Variants in PCDH15 observed in about 807,000 individuals in gnomAD.
The protein encoded by PCDH15 is protocadherin-15.
PCDH15 carries 129 observed loss-of-function variants against 178.5 expected under a neutral mutation model. The ratio of observed to expected loss-of-function variants is 0.72; its 90% CI spans 0.63 to 0.84. The LOEUF (loss-of-function observed/expected upper bound fraction) is 0.84. PCDH15 is among the 40% of genes least tolerant of loss of function. The pLI, the probability that PCDH15 is intolerant of heterozygous loss-of-function variation, is 0.00. For synonymous variants in PCDH15, 800 were observed against 732.0 expected (o/e 1.09, Z -1.50); for missense variants, 2,230 against 2,099.9 (o/e 1.06, Z -1.21).
At chr10:54,975,366 G>A (rs1427855909) in intron 2 of PCDH15, among the ~76,000 whole-genome samples, 2 of 152,130 alleles carry the variant, frequency 1.3e-5, no homozygotes, top group African/African-American at 4.8e-5. Context: ...AAAAGAGTGT[G>A]TATGCATAGT....
rs532300141 is a variant in PCDH15, at chr10:53,809,596, G to A, written c.4671+960C>T. On this transcript the variant is annotated intron_variant, in intron 37 of 37. Transcript: ENST00000644397. ...AAGTGTCAGCTTGGAGATAGCTATG[G>A]TATGACCTTGTCCCACGAAAGCTAC... is the stretch of plus-strand genomic sequence containing the variant. The A allele has an allele frequency of 5.2e-6, 8 of 1,546,684 alleles. No individual in the cohort carries two copies. In the South Asian group the frequency reaches 6.0e-5, roughly 12 times the overall value.
intron 8 of PCDH15, among the ~76,000 whole-genome samples, chr10:54,254,689 A>G (rs2056764281): frequency 6.6e-6 from 1 of 152,126 alleles, no homozygotes; most frequent in Non-Finnish European, 1.5e-5. Context: ...TAATGTTTGA[A>G]ATTATCATGA....
chr10:54,516,159 G>A (rs947387113), intron 3 of PCDH15, among the ~76,000 whole-genome samples: 5 of 152,138 alleles, frequency 3.3e-5, no homozygotes, highest in African/African-American at 7.2e-5. Flanking sequence ...ATGCTTTGAC[G>A]AGCTGAGAGA....
At chr10:54,015,811 G>A (rs1165200583) in intron 20 of PCDH15, among the ~76,000 whole-genome samples, 6 of 152,064 alleles carry the variant, frequency 3.9e-5, no homozygotes, top group South Asian at 2.1e-4. Flanking sequence ...AGATAACCTC[G>A]GAAATATCAT....
chr10:54,458,805 A>G (rs2076994164), intron 3 of PCDH15, among the ~76,000 whole-genome samples: 1 of 152,158 alleles, frequency 6.6e-6, no homozygotes, highest in Admixed American at 6.6e-5. Flanking sequence ...TTTGGATCCC[A>G]GGGTCACGTA....
chr10:55,134,726 G>T (rs1395768140), intron 2 of PCDH15, among the ~76,000 whole-genome samples: 1 of 152,242 alleles, frequency 6.6e-6, no homozygotes, highest in East Asian at 1.9e-4. Context: ...AAAACTGTTG[G>T]GTGGGACTTA....
At chr10:53,940,461 T>C (rs2085955574) in intron 24 of PCDH15, among the ~76,000 whole-genome samples, 1 of 152,126 alleles carries the variant, frequency 6.6e-6, no homozygotes, top group Admixed American at 6.6e-5. Context: ...CAGGATTAGT[T>C]AAGGTATGAC....
chr10:53,863,661 T>G (rs1173144145), intron 27 of PCDH15, among the ~76,000 whole-genome samples: 4 of 152,156 alleles, frequency 2.6e-5, no homozygotes, highest in Admixed American at 1.3e-4. Context: ...AGGGATGTTT[T>G]ATAATTTTTG....
chr10:54,321,167 AT>A (rs1225807547), intron 7 of PCDH15, among the ~76,000 whole-genome samples: 5 of 145,066 alleles, frequency 3.4e-5, no homozygotes, highest in Middle Eastern at 3.9e-3. Flanking sequence ...ATATTTGAAA[AT>A]TTTTTTATTT....
chr10:53,918,509 G>A (rs1241229445), intron 25 of PCDH15, among the ~76,000 whole-genome samples: 4 of 152,226 alleles, frequency 2.6e-5, no homozygotes, highest in South Asian at 2.1e-4. Flanking sequence ...TGAATAAAAC[G>A]ATACGTCTAT....
At chr10:55,144,685 C>G (rs1838453805) in intron 2 of PCDH15, among the ~76,000 whole-genome samples, 2 of 152,030 alleles carry the variant, frequency 1.3e-5, no homozygotes, top group African/African-American at 4.8e-5. Context: ...TTTTTGCAGA[C>G]TTTACTATAA....
chr10:54,345,149 G>A (rs1943034137), intron 6 of PCDH15, among the ~76,000 whole-genome samples: 1 of 151,746 alleles, frequency 6.6e-6, no homozygotes, highest in African/African-American at 2.4e-5. Context: ...TCTTTGCTAT[G>A]CAACAGAGAT....
intron 3 of PCDH15, among the ~76,000 whole-genome samples, chr10:54,431,928 AT>A (rs1436819599): frequency 1.3e-5 from 2 of 152,016 alleles, no homozygotes; most frequent in Admixed American, 1.3e-4. Flanking sequence ...CAAAATCAAT[AT>A]AAAAATAAAA....
chr10:53,934,302 G>T (rs917900843), intron 25 of PCDH15, among the ~76,000 whole-genome samples: 15 of 152,052 alleles, frequency 9.9e-5, no homozygotes, highest in African/African-American at 3.4e-4. Context: ...GTAAGGTGAT[G>T]GCAGCATCAC....
chr10:54,100,519 T>A (rs1289253730), intron 15 of PCDH15, among the ~76,000 whole-genome samples: 1 of 152,216 alleles, frequency 6.6e-6, no homozygotes, highest in South Asian at 2.1e-4. Context: ...AGTGACATCA[T>A]TCTGATACTC....
rs1841113812 is a variant in PCDH15, at chr10:53,805,830, A to C, written c.*749T>G. The C allele has an allele frequency of 6.6e-6, 1 of 152,086 alleles. No individual in the cohort carries two copies. Among genetic ancestry groups the C allele is most frequent in the Non-Finnish European group, 1.5e-5 (1 of 68,018 alleles). 9.4% of individuals were successfully genotyped at this position (152,086 alleles called of 1,614,324 possible). On this transcript the variant is annotated 3_prime_UTR_variant, in exon 38 of 38. Transcript: ENST00000644397. ...AGGGTGAGATTTCCATGTTGCTCCA[A>C]ACAATTATTTAACCTCAAGTGATTA...
chr10:54,175,077 C>T (rs2047312143), intron 13 of PCDH15, among the ~76,000 whole-genome samples: 1 of 152,270 alleles, frequency 6.6e-6, no homozygotes, highest in Non-Finnish European at 1.5e-5. Context: ...AATAGGTCCA[C>T]ATTTTTGTAA....
chr10:55,211,485 GA>G (rs1840570986), intron 1 of PCDH15, among the ~76,000 whole-genome samples: 1 of 152,092 alleles, frequency 6.6e-6, no homozygotes, highest in Non-Finnish European at 1.5e-5. Flanking sequence ...TAGGGAAAAA[GA>G]AATTCACATA....
chr10:55,531,422 T>C (rs1040141144), intron 2 of PCDH15, among the ~76,000 whole-genome samples: 1 of 151,994 alleles, frequency 6.6e-6, no homozygotes, highest in African/African-American at 2.4e-5. Context: ...TTAATGGCTA[T>C]TAAAGTAGAC....
Sources: allele counts gnomAD v4.1 joint callset (sites outside exome capture counted in the v4.1 genomes callset), GRCh38; gene constraint gnomAD v4.1.1; transcripts MANE v1.5; gene names NCBI Gene and HGNC (gene_info 2026-07-23, HGNC 2026-07-21).